LPP: variants seen among roughly 807,000 people sequenced by gnomAD.
LPP encodes the protein LIM domain containing preferred translocation partner in lipoma, also known as lipoma-preferred partner.
A neutral mutation model predicts 60.4 loss-of-function variants in LPP; 38 were observed. That is an observed-to-expected ratio of 0.63 (90% CI 0.49 to 0.83). The LOEUF is 0.83. Ranked by LOEUF, LPP falls within the 40% of genes least tolerant of loss-of-function variation. The pLI, the probability that LPP is intolerant of heterozygous loss-of-function variation, is 0.00. For missense variants in LPP, 902 were observed against 783.6 expected (o/e 1.15, Z -1.80); for synonymous variants, 328 against 290.8 (o/e 1.13, Z -1.30).
intron 3 of LPP, among the ~76,000 whole-genome samples, chr3:188,404,211 A>G (rs1782892080): frequency 1.3e-5 from 2 of 152,134 alleles, no homozygotes; most frequent in Admixed American, 1.3e-4. Context: ...TGGTTGCCAT[A>G]AAAATTCTGA....
At chr3:188,493,108 T>C (rs1808882413) in intron 5 of LPP, among the ~76,000 whole-genome samples, 1 of 152,234 alleles carries the variant, frequency 6.6e-6, no homozygotes, top group Non-Finnish European at 1.5e-5. Flanking sequence ...ATGGGAAGGC[T>C]ACATGCTTGA....
At chr3:188,462,118 C>G (rs776132257) in intron 4 of LPP, among the ~76,000 whole-genome samples, 1 of 152,030 alleles carries the variant, frequency 6.6e-6, no homozygotes, top group East Asian at 1.9e-4. Flanking sequence ...TAGGGCAACA[C>G]TTCCTTTCAC....
chr3:188,586,240 G>A (rs1299396947), intron 6 of LPP, among the ~76,000 whole-genome samples: 1 of 152,116 alleles, frequency 6.6e-6, no homozygotes, highest in African/African-American at 2.4e-5. Flanking sequence ...ATTTTAAGAG[G>A]AAAATGTTCT....
intron 7 of LPP, among the ~76,000 whole-genome samples, chr3:188,680,875 C>A (rs1343989731): frequency 1.3e-5 from 2 of 152,100 alleles, no homozygotes; most frequent in Non-Finnish European, 2.9e-5. Context: ...AGCGCTGGAG[C>A]ACTGAGTATC....
intron 4 of LPP, among the ~76,000 whole-genome samples, chr3:188,430,714 T>C (rs1351729105): frequency 6.6e-6 from 1 of 152,162 alleles, no homozygotes; most frequent in Non-Finnish European, 1.5e-5. Context: ...TCTGAAAATC[T>C]TTTTGTTGCA....
intron 9 of LPP, among the ~76,000 whole-genome samples, chr3:188,825,222 T>C (rs558550639): frequency 6.6e-6 from 1 of 151,932 alleles, no homozygotes; most frequent in Non-Finnish European, 1.5e-5. Flanking sequence ...TGTCTTTGTA[T>C]AGGTGCAGTA....
At chr3:188,563,453 C>CAT (rs1353826175) in intron 6 of LPP, among the ~76,000 whole-genome samples, 2,128 of 130,748 alleles carry the variant, frequency 0.016, 53 homozygotes, top group African/African-American at 0.057. Context: ...TATACATTTA[C>CAT]ATATATATGT....
Position 188,674,809 on chromosome 3 carries a change from A to G in LPP, c.1114-33458A>G, listed in dbSNP as rs904637990. Among the ~76,000 whole-genome samples the G allele has an allele frequency of 2.6e-5, 4 of 152,216 alleles. No individual in the cohort carries two copies. In the East Asian group the frequency reaches 5.8e-4, roughly 22 times the overall value. Reference sequence around the variant, plus strand: ...CTAGGCATCTCTGACTTCAAAGTCTATGCTTTTTCCACCTCATAGAAAGAC... The same window carrying G: ...CTAGGCATCTCTGACTTCAAAGTCTGTGCTTTTTCCACCTCATAGAAAGAC... On this transcript the variant is annotated intron_variant, in intron 7 of 11. Transcript: ENST00000617246.
At chr3:188,227,880 T>C (rs1010083476) in intron 2 of LPP, among the ~76,000 whole-genome samples, 1 of 152,246 alleles carries the variant, frequency 6.6e-6, no homozygotes, top group South Asian at 2.1e-4. Flanking sequence ...TATGGTAATA[T>C]GAACCACTAT....
rs532655074 is a variant in LPP at position 188,760,238 on chromosome 3, T to A, written c.1366T>A (p.Phe456Ile). The change falls in exon 9 of 12, where the codon TTC becomes ATC. Residue 456 changes from phenylalanine to isoleucine, a missense_variant. Phe to Ile is a conservative substitution (Grantham distance 21). Coordinates refer to ENST00000617246, the MANE Select transcript of LPP (RefSeq NM_001375462.1). ...CAACAACAAGCTCCGAGGGCAGCCATTCTATGCTGTGGAAAAGAAAGCATA... is the reference window on the plus strand; with the variant it reads ...CAACAACAAGCTCCGAGGGCAGCCAATCTATGCTGTGGAAAAGAAAGCATA... ...ICNNKLRGQP[F>I]YAVEKKAYCE... 9.3e-6 allele frequency: 15 copies of A among 1,614,158 alleles called. No homozygotes were observed. In the South Asian group the frequency reaches 1.6e-4, roughly 18 times the overall value.
At chr3:188,584,646 T>C (rs781437766) in intron 6 of LPP, among the ~76,000 whole-genome samples, 22 of 152,012 alleles carry the variant, frequency 1.4e-4, no homozygotes, top group Non-Finnish European at 2.9e-4. Flanking sequence ...TTTTACTTAT[T>C]GGCATGGCTT....
At chr3:188,732,248 A>T (rs1202638914) in intron 8 of LPP, among the ~76,000 whole-genome samples, 1 of 152,224 alleles carries the variant, frequency 6.6e-6, no homozygotes, top group Non-Finnish European at 1.5e-5. Context: ...TGTTTATCTG[A>T]CGCAATGAGA....
At chr3:188,577,744 T>TTCCTTC (rs1560587330) in intron 6 of LPP, among the ~76,000 whole-genome samples, 3 of 41,428 alleles carry the variant, frequency 7.2e-5, no homozygotes, top group Non-Finnish European at 2.2e-4. Flanking sequence ...TTCCTTCCTT[T>TTCCTTC]GTTCCTTCGT....
chr3:188,407,146 A>T (rs953904204), intron 4 of LPP, among the ~76,000 whole-genome samples: 1 of 151,694 alleles, frequency 6.6e-6, no homozygotes, highest in Non-Finnish European at 1.5e-5. Context: ...GTGAAAGGAG[A>T]TTTAACTCCC....
chr3:188,201,461 C>T (rs989434037), intron 1 of LPP, among the ~76,000 whole-genome samples: 2 of 152,058 alleles, frequency 1.3e-5, no homozygotes, highest in South Asian at 4.1e-4. Flanking sequence ...AATCCCAGCA[C>T]TCTGGGCGGC....
intron 8 of LPP, among the ~76,000 whole-genome samples, chr3:188,745,131 A>G (rs1487136430): frequency 6.6e-6 from 1 of 152,020 alleles, no homozygotes; most frequent in Non-Finnish European, 1.5e-5. Flanking sequence ...GCTTTCTTAT[A>G]TGACTCTCAA....
chr3:188,457,778 A>G (rs1391349026), intron 4 of LPP, among the ~76,000 whole-genome samples: 2 of 150,948 alleles, frequency 1.3e-5, no homozygotes, highest in Non-Finnish European at 2.9e-5. Flanking sequence ...GCGTGGTGGC[A>G]CACACCTATA....
chr3:188,819,658 C>T (rs777465244), intron 9 of LPP, among the ~76,000 whole-genome samples: 2 of 151,618 alleles, frequency 1.3e-5, no homozygotes, highest in Non-Finnish European at 2.9e-5. Flanking sequence ...AGATGGTGTT[C>T]GGTGGGAATG....
intron 2 of LPP, among the ~76,000 whole-genome samples, chr3:188,225,928 C>G (rs114242271): frequency 1.3e-5 from 2 of 152,186 alleles, no homozygotes; most frequent in African/African-American, 2.4e-5. Flanking sequence ...TGGGCATTTA[C>G]AAGGAAAGAA....
Sources: gnomAD v4.1 joint callset for allele counts (sites outside exome capture counted in the v4.1 genomes callset) on GRCh38, gnomAD v4.1.1 for gene constraint, MANE v1.5 for transcripts, NCBI Gene and HGNC (gene_info 2026-07-23, HGNC 2026-07-21) for gene names.